The following NPAS2 variants were observed in gnomAD, a reference collection of about 807,000 sequenced individuals.
The protein encoded by NPAS2 is neuronal PAS domain-containing protein 2.
In NPAS2, 23 loss-of-function variants were observed where a neutral mutation model predicts 107.5. The observed-to-expected ratio is 0.21, with a 90% CI of 0.15 to 0.30. The LOEUF (loss-of-function observed/expected upper bound fraction) is 0.30, where lower values mean the gene tolerates loss of function less well. Ranked by LOEUF, NPAS2 falls within the 10% of genes least tolerant of loss-of-function variation. The pLI, the probability that NPAS2 is intolerant of heterozygous loss-of-function variation, is 1.00. For synonymous variants in NPAS2, 403 were observed against 417.5 expected (o/e 0.97, Z 0.42); for missense variants, 756 against 1,043.3 (o/e 0.72, Z 3.79).
intron 12 of NPAS2, among the ~76,000 whole-genome samples, chr2:100,974,131 C>T (rs531553573): frequency 3.3e-5 from 5 of 152,332 alleles, no homozygotes; most frequent in East Asian, 1.9e-4. Context: ...CGTGAGCCAC[C>T]GCACCCAGCC....
At chr2:100,974,757 T>G in intron 12 of NPAS2, 46 bp from the exon 13 acceptor site, 1 of 1,580,198 alleles carries the variant, frequency 6.3e-7, no homozygotes, top group Non-Finnish European at 8.6e-7. Context: ...CACTGATTCT[T>G]TCCTCTTGAT....
intron 1 of NPAS2, among the ~76,000 whole-genome samples, chr2:100,896,352 C>T (rs1681410301): frequency 6.6e-6 from 1 of 152,196 alleles, no homozygotes; most frequent in Non-Finnish European, 1.5e-5. Context: ...GAAAGGCCTC[C>T]TGAGTCAGTG....
At chr2:100,910,491 A>G (rs1336293697) in intron 2 of NPAS2, among the ~76,000 whole-genome samples, 1 of 149,872 alleles carries the variant, frequency 6.7e-6, no homozygotes, top group African/African-American at 2.5e-5. Context: ...TGCTGGGGCA[A>G]CTTTTCTCCC....
chr2:100,879,306 A>G (rs2104621699), intron 1 of NPAS2, among the ~76,000 whole-genome samples: 1 of 152,320 alleles, frequency 6.6e-6, no homozygotes, highest in South Asian at 2.1e-4. Flanking sequence ...ATAGTGAAGC[A>G]AGTTAACATA....
At chr2:100,827,482 T>C (rs1255861022) in intron 1 of NPAS2, among the ~76,000 whole-genome samples, 9 of 152,180 alleles carry the variant, frequency 5.9e-5, no homozygotes, top group African/African-American at 1.2e-4. Context: ...AATGATCCTA[T>C]CACCCAGGTA....
chr2:100,960,670 C>A (rs748795859), intron 7 of NPAS2, among the ~76,000 whole-genome samples: 14 of 152,044 alleles, frequency 9.2e-5, no homozygotes, highest in African/African-American at 2.9e-4. Context: ...GTGCTATGGG[C>A]ACCTCCCACA....
intron 7 of NPAS2, among the ~76,000 whole-genome samples, chr2:100,960,391 C>T (rs1675848049): frequency 6.6e-6 from 1 of 151,722 alleles, no homozygotes; most frequent in Non-Finnish European, 1.5e-5. Flanking sequence ...GGTGAAACCC[C>T]GTCTCTACTA....
intron 1 of NPAS2, among the ~76,000 whole-genome samples, chr2:100,873,482 A>G (rs1679755380): frequency 6.6e-6 from 1 of 151,390 alleles, no homozygotes; most frequent in African/African-American, 2.4e-5. Flanking sequence ...TCACAAGAGC[A>G]CTATATATTG....
In NPAS2 at chr2:100,858,277, G is replaced by A. The variant is rs192331827; in HGVS notation, c.-23+37863G>A. On this transcript the variant is annotated intron_variant, in intron 1 of 20. Coordinates refer to ENST00000335681, the MANE Select transcript of NPAS2 (RefSeq NM_002518.4). ...AAAACCGTGACCAGCAAGACGTAGA[G>A]AAAGAAAGTGATTTGCCAGGCTGGT... Among the ~76,000 whole-genome samples, 10 of 152,334 alleles carry A rather than the reference G, an allele frequency of 6.6e-5. 2 individuals are homozygous for A. The highest frequency in any genetic ancestry group is 2.4e-4 in the African/African-American group (10 of 41,572).
chr2:100,889,713 A>G (rs1389459921), intron 1 of NPAS2, among the ~76,000 whole-genome samples: 3 of 152,086 alleles, frequency 2.0e-5, no homozygotes, highest in African/African-American at 7.2e-5. Context: ...ATGGATCCCA[A>G]ATTCCCAGCT....
chr2:100,910,014 C>T (rs1389726721), intron 2 of NPAS2, among the ~76,000 whole-genome samples: 1 of 152,050 alleles, frequency 6.6e-6, no homozygotes, highest in Non-Finnish European at 1.5e-5. Flanking sequence ...GTCAGAGAAG[C>T]GTGGTGTCTG....
chr2:100,902,125 G>C, intron 1 of NPAS2, among the ~76,000 whole-genome samples: 1 of 152,090 alleles, frequency 6.6e-6, no homozygotes, highest in East Asian at 1.9e-4. Flanking sequence ...ATACGGTTGA[G>C]AAGAGTCATT....
chr2:100,827,169 A>C (rs1456798928), intron 1 of NPAS2, among the ~76,000 whole-genome samples: 2 of 152,162 alleles, frequency 1.3e-5, no homozygotes, highest in Non-Finnish European at 2.9e-5. Flanking sequence ...ATATGTTTCC[A>C]AGAAAACCCT....
At chr2:100,847,584 A>G (rs900901662) in intron 1 of NPAS2, among the ~76,000 whole-genome samples, 4 of 152,100 alleles carry the variant, frequency 2.6e-5, no homozygotes, top group South Asian at 2.1e-4. Flanking sequence ...GTTAGCCAGG[A>G]TGGTCTCAAT....
chr2:100,979,498 ATATAT>A (rs1677281492), intron 15 of NPAS2, among the ~76,000 whole-genome samples: 1 of 56,828 alleles, frequency 1.8e-5, no homozygotes, highest in Admixed American at 2.1e-4. Context: ...ATATATATAT[ATATAT>A]TTTTTTTTTT....
rs114721063 is a variant in NPAS2, at chr2:100,900,967, A to G, written c.-22-3766A>G. Among the ~76,000 whole-genome samples the G allele has an allele frequency of 4.1e-3, 617 of 151,586 alleles. 2 individuals are homozygous for G. The highest frequency in any genetic ancestry group is 7.9e-3 in the African/African-American group (326 of 41,218). ...GGTCTCAAACTCCTGGGTTCAAGCT[A>G]TCCTTCCCACTCTCCCACCCTAAGG... On this transcript the variant is annotated intron_variant, in intron 1 of 20. Transcript: ENST00000335681.
intron 19 of NPAS2, among the ~76,000 whole-genome samples, chr2:100,991,565 C>T (rs772377171): frequency 6.6e-6 from 1 of 152,162 alleles, no homozygotes; most frequent in African/African-American, 2.4e-5. Flanking sequence ...CATGTAGAAG[C>T]CTCGCAGGCA....
intron 1 of NPAS2, among the ~76,000 whole-genome samples, chr2:100,851,464 C>T (rs577270231): frequency 1.7e-4 from 26 of 152,320 alleles, no homozygotes; most frequent in Admixed American, 6.5e-4. Context: ...CATTCTGCTT[C>T]GGGGACTCCT....
At chr2:100,981,958 C>T (rs960894303) in intron 15 of NPAS2, among the ~76,000 whole-genome samples, 12 of 152,202 alleles carry the variant, frequency 7.9e-5, no homozygotes, top group East Asian at 1.9e-4. Context: ...GTGGCCCTCC[C>T]GGACTGCAGG....
Sources: gnomAD v4.1 joint callset for allele counts (sites outside exome capture counted in the v4.1 genomes callset) on GRCh38, gnomAD v4.1.1 for gene constraint, MANE v1.5 for transcripts, NCBI Gene and HGNC (gene_info 2026-07-23, HGNC 2026-07-21) for gene names.